The following CACNA1D variants were observed in gnomAD, a reference collection of about 807,000 sequenced individuals.
CACNA1D encodes the protein voltage-dependent L-type calcium channel subunit alpha-1D.
In CACNA1D, 55 loss-of-function variants were observed where a neutral mutation model predicts 257.1. That is an observed-to-expected ratio of 0.21 (90% CI 0.17 to 0.27). The LOEUF (loss-of-function observed/expected upper bound fraction) is 0.27. CACNA1D is among the 10% of genes least tolerant of loss of function. The probability of loss-of-function intolerance (pLI) is 1.00; values close to 1 mark genes in which losing one functional copy is unlikely to be tolerated. For synonymous variants in CACNA1D, 980 were observed against 1,014.9 expected, an observed-to-expected ratio of 0.97 and a Z score of 0.65; for missense variants, 1,876 against 2,784.0, an observed-to-expected ratio of 0.67 and a Z score of 7.34.
At chr3:53,712,244 T>G (rs2094765662) in intron 9 of CACNA1D, among the ~76,000 whole-genome samples, 1 of 152,220 alleles carries the variant, frequency 6.6e-6, no homozygotes, top group Non-Finnish European at 1.5e-5. Flanking sequence ...CTGACACATT[T>G]AAGGAACTTT....
chr3:53,733,035 G>A (rs966951847), intron 19 of CACNA1D, 73 bp downstream of exon 19: 30 of 1,504,526 alleles, frequency 2.0e-5, no homozygotes, highest in South Asian at 5.7e-5. Flanking sequence ...AGGGTGGCTC[G>A]GGTGGGGGTG....
chr3:53,702,821 C>A lies in CACNA1D; in HGVS notation c.1390+11C>A. The A allele has an allele frequency of 6.2e-7, 1 of 1,614,018 alleles. No homozygotes were observed. The highest frequency in any genetic ancestry group is 1.1e-5 in the South Asian group (1 of 91,060). ...AAGGCAAACGAAATAGTATGTAGCGCCTTTCCTGCCCCTGGCTAGACAGAC... is the reference window on the plus strand; with the variant it reads ...AAGGCAAACGAAATAGTATGTAGCGACTTTCCTGCCCCTGGCTAGACAGAC... On this transcript the variant is annotated intron_variant, in intron 9 of 47. Coordinates refer to ENST00000350061, the MANE Select transcript of CACNA1D (RefSeq NM_001128840.3).
At chr3:53,710,940 A>G (rs901623355) in intron 9 of CACNA1D, among the ~76,000 whole-genome samples, 1 of 152,150 alleles carries the variant, frequency 6.6e-6, no homozygotes, top group Non-Finnish European at 1.5e-5. Flanking sequence ...CAGCTTTAAG[A>G]ATGAAATTAG....
At chr3:53,802,212 A>G in intron 43 of CACNA1D, 39 bp downstream of exon 43, 1 of 1,505,978 alleles carries the variant, frequency 6.6e-7, no homozygotes, top group Non-Finnish European at 9.2e-7. Context: ...AAATACTGTG[A>G]TGGTATGTTA....
chr3:53,617,982 C>T (rs2093655507), intron 3 of CACNA1D, among the ~76,000 whole-genome samples: 1 of 152,202 alleles, frequency 6.6e-6, no homozygotes, highest in East Asian at 1.9e-4. Context: ...CTCCATCAGT[C>T]TCTGCTGAAG....
At chr3:53,618,102 G>A (rs1304145964) in intron 3 of CACNA1D, among the ~76,000 whole-genome samples, 1 of 152,144 alleles carries the variant, frequency 6.6e-6, no homozygotes, top group Non-Finnish European at 1.5e-5. Flanking sequence ...TACAGGGAGG[G>A]GTTGGACCTG....
At chr3:53,539,974 T>A (rs2092251041) in intron 3 of CACNA1D, among the ~76,000 whole-genome samples, 1 of 152,256 alleles carries the variant, frequency 6.6e-6, no homozygotes, top group Non-Finnish European at 1.5e-5. Context: ...TAGGCATTTT[T>A]ATATGTATTG....
rs115607276 is a variant in CACNA1D, at chr3:53,736,838, T to G, written c.2751+1335T>G. On this transcript the variant is annotated intron_variant, in intron 20 of 47. Coordinates refer to ENST00000350061, the MANE Select transcript of CACNA1D (RefSeq NM_001128840.3). ...AGGAGGCTGAGCCTGAAGTCAGCTGTGTTCACACCACTGTATTCCAGCCTG... is the reference window on the plus strand; with the variant it reads ...AGGAGGCTGAGCCTGAAGTCAGCTGGGTTCACACCACTGTATTCCAGCCTG... Among the ~76,000 whole-genome samples the G allele has an allele frequency of 3.1e-3, 470 of 150,934 alleles. 2 individuals carry two copies. The highest frequency in any genetic ancestry group is 0.011 in the African/African-American group (438 of 41,048).
At chr3:53,750,012 G>A (rs1004166191) in intron 27 of CACNA1D, among the ~76,000 whole-genome samples, 1 of 152,202 alleles carries the variant, frequency 6.6e-6, no homozygotes, top group Non-Finnish European at 1.5e-5. Flanking sequence ...ATTGCCAAGT[G>A]TCCTTTGGGG....
chr3:53,637,688 C>T (rs906427811), intron 3 of CACNA1D, among the ~76,000 whole-genome samples: 2 of 152,080 alleles, frequency 1.3e-5, no homozygotes, highest in Non-Finnish European at 2.9e-5. Flanking sequence ...TGAGAGTGAC[C>T]TTGGACTGGC....
At chr3:53,621,637 C>A (rs2093697876) in intron 3 of CACNA1D, among the ~76,000 whole-genome samples, 1 of 152,272 alleles carries the variant, frequency 6.6e-6, no homozygotes, top group South Asian at 2.1e-4. Flanking sequence ...TCATCAAAAT[C>A]AAAACTTGTG....
At chr3:53,668,480 G>A (rs529192680) in intron 7 of CACNA1D, among the ~76,000 whole-genome samples, 98 of 152,212 alleles carry the variant, frequency 6.4e-4, no homozygotes, top group African/African-American at 2.1e-3. Flanking sequence ...CAGTATAATT[G>A]CACTCTCCAT....
chr3:53,722,615 A>G (rs902877932), intron 12 of CACNA1D, 141 bp downstream of exon 12: 1 of 883,288 alleles, frequency 1.1e-6, no homozygotes, highest in Non-Finnish European at 1.9e-6. Context: ...AACCATCCAG[A>G]CACAGCAACT....
At chr3:53,599,082 G>A (rs2093408876) in intron 3 of CACNA1D, among the ~76,000 whole-genome samples, 1 of 151,738 alleles carries the variant, frequency 6.6e-6, no homozygotes, top group South Asian at 2.1e-4. Flanking sequence ...ATTTAAAATA[G>A]TTTTCCAATG....
At chr3:53,750,303 G>A (rs2095214142) in intron 27 of CACNA1D, among the ~76,000 whole-genome samples, 1 of 152,158 alleles carries the variant, frequency 6.6e-6, no homozygotes, top group Non-Finnish European at 1.5e-5. Flanking sequence ...CTAAATCGAG[G>A]GCATTAAGGA....
intron 1 of CACNA1D, 96 bp from the exon 2 acceptor site, chr3:53,497,056 C>T (rs2090381746): frequency 6.7e-6 from 6 of 898,914 alleles, no homozygotes; most frequent in African/African-American, 3.4e-5. Flanking sequence ...TGAATGATTC[C>T]CCTGTTATTG....
chr3:53,515,809 A>G (rs1157110547), intron 3 of CACNA1D, among the ~76,000 whole-genome samples: 1 of 152,194 alleles, frequency 6.6e-6, no homozygotes. Context: ...TGTTGAGAGG[A>G]TTAAAGGCGA....
Position 53,719,421 on chromosome 3 carries a change from G to A in CACNA1D, c.1479-334G>A, listed in dbSNP as rs531600509. ...ACTCCTAGTGCAGTGCTCCCTCTGC[G>A]GTAGTAGCAGCAAATGCTGCTGTCG... On this transcript the variant is annotated intron_variant, in intron 10 of 47. Coordinates refer to ENST00000350061, the MANE Select transcript of CACNA1D (RefSeq NM_001128840.3). Among the ~76,000 whole-genome samples, 10 of 152,310 alleles carry A rather than the reference G, an allele frequency of 6.6e-5. No individual in the cohort carries two copies. The South Asian group carries it at 1.5e-3, about 22-fold the overall frequency.
chr3:53,689,282 G>T (rs189891040), intron 8 of CACNA1D, among the ~76,000 whole-genome samples: 1 of 150,042 alleles, frequency 6.7e-6, no homozygotes, highest in African/African-American at 2.5e-5. Context: ...AGGGTGCTCC[G>T]TGCTGGCTGG....
Sources: allele counts gnomAD v4.1 joint callset (sites outside exome capture counted in the v4.1 genomes callset), GRCh38; gene constraint gnomAD v4.1.1; transcripts MANE v1.5; gene names NCBI Gene and HGNC (gene_info 2026-07-23, HGNC 2026-07-21).